FBXL17: variants seen among roughly 807,000 people sequenced by gnomAD.
FBXL17 encodes F-box and leucine rich repeat protein 17, also known as F-box/LRR-repeat protein 17.
FBXL17 carries 22 observed loss-of-function variants against 66.2 expected under a neutral mutation model. The observed-to-expected ratio is 0.33, with a 90% CI of 0.24 to 0.47. The LOEUF is 0.47. Among genes scored for constraint, FBXL17 ranks in the 20% least tolerant of loss-of-function variants. The pLI, the probability that FBXL17 is intolerant of heterozygous loss-of-function variation, is 1.00. For missense variants in FBXL17, 878 were observed against 948.2 expected (o/e 0.93, Z 0.97); for synonymous variants, 474 against 400.5 (o/e 1.18, Z -2.19).
At chr5:108,056,716 C>T (rs541976714) in intron 6 of FBXL17, among the ~76,000 whole-genome samples, 4 of 152,242 alleles carry the variant, frequency 2.6e-5, no homozygotes, top group East Asian at 1.9e-4. Flanking sequence ...CACTCTCTGC[C>T]GTCATTAATG....
At chr5:108,038,669 A>G (rs182160821) in intron 6 of FBXL17, among the ~76,000 whole-genome samples, 17 of 152,212 alleles carry the variant, frequency 1.1e-4, no homozygotes, top group African/African-American at 3.8e-4. Context: ...TGAACACAAA[A>G]GAGAGATAAT....
At chr5:108,126,684 TACAC>T (rs3040021) in intron 6 of FBXL17, among the ~76,000 whole-genome samples, 1 of 135,578 alleles carries the variant, frequency 7.4e-6, no homozygotes, top group Non-Finnish European at 1.6e-5. Flanking sequence ...TATATATATA[TACAC>T]ACATACATAA....
At chr5:108,055,280 GAAAAAAAAA>G (rs1000211060) in intron 6 of FBXL17, among the ~76,000 whole-genome samples, 21 of 23,686 alleles carry the variant, frequency 8.9e-4, no homozygotes, top group Non-Finnish European at 1.5e-3. Context: ...AGAATTTTTA[GAAAAAAAAA>G]AAAAAAAAAA....
At chr5:108,162,766 G>A (rs1298384433) in intron 6 of FBXL17, among the ~76,000 whole-genome samples, 2 of 152,084 alleles carry the variant, frequency 1.3e-5, no homozygotes, top group Non-Finnish European at 2.9e-5. Context: ...TCACCTCACA[G>A]GGTTATCGGA....
chr5:108,061,937 T>A (rs530072304), intron 6 of FBXL17, among the ~76,000 whole-genome samples: 3 of 151,910 alleles, frequency 2.0e-5, no homozygotes, highest in African/African-American at 7.2e-5. Context: ...GCTCCCCAGA[T>A]GAAAGCCCGC....
At chr5:108,009,403 T>C (rs1334449151) in intron 7 of FBXL17, among the ~76,000 whole-genome samples, 1 of 149,856 alleles carries the variant, frequency 6.7e-6, no homozygotes, top group Non-Finnish European at 1.5e-5. Context: ...ATTTTCTTTG[T>C]TTATTCCTAA....
At position 108,080,504 on chromosome 5, in the gene FBXL17, T is replaced by G. The variant is rs111469663; in HGVS notation, c.1746-59503A>C. On this transcript the variant is annotated intron_variant, in intron 6 of 8. Transcript: ENST00000542267. ...AAAAGAGTCAAACTCTGTAAAATATTTGAAGGAATATATTTTGAGCCAAGT... is the reference window on the plus strand; with the variant it reads ...AAAAGAGTCAAACTCTGTAAAATATGTGAAGGAATATATTTTGAGCCAAGT... 5.9e-5 allele frequency among the ~76,000 whole-genome samples: 9 copies of G among 152,298 alleles called. 2 individuals carry two copies. The highest frequency in any genetic ancestry group is 2.2e-4 in the African/African-American group (9 of 41,566).
Position 108,004,586 on chromosome 5 carries a change from G to A in FBXL17, c.1822+16339C>T, listed in dbSNP as rs564299715. Among the ~76,000 whole-genome samples, 4 of 152,252 alleles carry A rather than the reference G, an allele frequency of 2.6e-5. 1 individual carries two copies. Among genetic ancestry groups the A allele is most frequent in the African/African-American group, 9.6e-5 (4 of 41,558 alleles). ...GAGGAGGAAAAAGTGCCATAGTTAA[G>A]CAATGGGAGGGAAAGTACTCCAGCC... On this transcript the variant is annotated intron_variant, in intron 7 of 8. Coordinates refer to ENST00000542267, the MANE Select transcript of FBXL17 (RefSeq NM_001163315.3).
chr5:108,221,935 T>C (rs924512118), intron 5 of FBXL17, among the ~76,000 whole-genome samples: 3 of 152,152 alleles, frequency 2.0e-5, no homozygotes, highest in Non-Finnish European at 4.4e-5. Flanking sequence ...CATTGCTTAG[T>C]TGTACACACC....
rs147326204 is a variant in FBXL17 at position 108,353,698 on chromosome 5, G to A, written c.1375-5168C>T. Among the ~76,000 whole-genome samples the A allele has an allele frequency of 2.6e-3, 398 of 152,194 alleles. 4 individuals carry two copies. The highest frequency in any genetic ancestry group is 9.2e-3 in the African/African-American group (380 of 41,514). ...ACTCCAGCCAGTTCTAGCCTTCCAT[G>A]TAAGGAAAGGGATATACCAAACTCC... On this transcript the variant is annotated intron_variant, in intron 3 of 8. Transcript: ENST00000542267.
At chr5:108,252,117 A>T (rs1337449004) in intron 4 of FBXL17, among the ~76,000 whole-genome samples, 1 of 152,142 alleles carries the variant, frequency 6.6e-6, no homozygotes, top group African/African-American at 2.4e-5. Flanking sequence ...GGTGTTGGAG[A>T]CAATATAAAG....
intron 6 of FBXL17, among the ~76,000 whole-genome samples, chr5:108,156,500 C>A (rs1346412460): frequency 6.6e-6 from 1 of 151,566 alleles, no homozygotes; most frequent in South Asian, 2.1e-4. Flanking sequence ...TTTTTTAAGT[C>A]ATCATTTTTA....
At chr5:108,070,094 T>C (rs1748272255) in intron 6 of FBXL17, among the ~76,000 whole-genome samples, 1 of 152,228 alleles carries the variant, frequency 6.6e-6, no homozygotes, top group Admixed American at 6.5e-5. Context: ...TATTTCTTCA[T>C]GTAGCAGATT....
intron 8 of FBXL17, among the ~76,000 whole-genome samples, chr5:107,872,068 G>C (rs1402494366): frequency 1.3e-5 from 2 of 152,146 alleles, no homozygotes; most frequent in East Asian, 3.8e-4. Context: ...TTAGGAATTT[G>C]ACCCGTTTCC....
chr5:108,010,235 G>A (rs1235565338), intron 7 of FBXL17, among the ~76,000 whole-genome samples: 1 of 152,114 alleles, frequency 6.6e-6, no homozygotes, highest in African/African-American at 2.4e-5. Context: ...GGGTCCAAGA[G>A]GTCCATTTTC....
chr5:108,227,822 T>C lies in FBXL17; in HGVS notation c.1507-3594A>G, dbSNP rs114140043. On this transcript the variant is annotated intron_variant, in intron 4 of 8. Coordinates refer to ENST00000542267, the MANE Select transcript of FBXL17 (RefSeq NM_001163315.3). The stretch of plus-strand genomic sequence containing the variant: ...CTGACACTTAGCATTCTAAAGGCAT[T>C]ATGTTAACAAAGAATTTTTAAGGCA... 6.9e-3 allele frequency among the ~76,000 whole-genome samples: 1,045 copies of C among 152,300 alleles called. 18 individuals carry two copies. The highest frequency in any genetic ancestry group is 0.024 in the African/African-American group (986 of 41,570).
intron 7 of FBXL17, among the ~76,000 whole-genome samples, chr5:107,907,607 AAAC>A (rs1207565240): frequency 6.6e-6 from 1 of 152,106 alleles, no homozygotes; most frequent in Non-Finnish European, 1.5e-5. Context: ...AGAAAAAAAC[AAAC>A]AACCCCATCA....
chr5:108,355,035 A>G (rs906429928), intron 3 of FBXL17, among the ~76,000 whole-genome samples: 17 of 152,108 alleles, frequency 1.1e-4, no homozygotes, highest in African/African-American at 3.6e-4. Flanking sequence ...TTTTTCAGAA[A>G]CAAGGAAAAT....
In FBXL17 at chr5:108,364,741, C is replaced by G; in HGVS notation, c.1371G>C (p.Lys457Asn). ...CTTTATAAATGCTAAAATTTACCTGCTTGAGTCCTTCATCAGTGAGTTTGT... is the reference window on the plus strand; with the variant it reads ...CTTTATAAATGCTAAAATTTACCTGGTTGAGTCCTTCATCAGTGAGTTTGT... ...NQDKLTDEGL[K>N]QLGSKCRELK... The change falls in exon 3 of 9, where the codon AAG (lysine) becomes AAC (asparagine). Residue 457 changes from lysine to asparagine, a missense_variant. By Grantham distance (94) the Lys-to-Asn change is moderately conservative. Transcript: ENST00000542267. 6.2e-7 allele frequency: 1 copy of G among 1,604,692 alleles called. No homozygotes were observed. The highest frequency in any genetic ancestry group is 8.5e-7 in the Non-Finnish European group (1 of 1,173,954).
Sources: gnomAD v4.1 joint callset for allele counts (sites outside exome capture counted in the v4.1 genomes callset) on GRCh38, gnomAD v4.1.1 for gene constraint, MANE v1.5 for transcripts, NCBI Gene and HGNC (gene_info 2026-07-23, HGNC 2026-07-21) for gene names.